BBIP1: variants seen among roughly 807,000 people sequenced by gnomAD.
BBIP1 encodes BBSome interacting protein 1.
A neutral mutation model predicts 8.9 loss-of-function variants in BBIP1; 6 were observed. That is an observed-to-expected ratio of 0.67 (90% CI 0.37 to 1.33). The LOEUF (loss-of-function observed/expected upper bound fraction) is 1.33, where lower values mean the gene tolerates loss of function less well. Among genes scored for constraint, BBIP1 ranks in the 40% most tolerant of loss-of-function variants. BBIP1 has a pLI of 0.02. For missense variants in BBIP1, 111 were observed against 109.2 expected (o/e 1.02, Z -0.07); for synonymous variants, 32 against 33.4 (o/e 0.96, Z 0.14).
intron 3 of BBIP1, chr10:110,900,744 G>A (rs990138833): frequency 3.9e-5 from 18 of 460,572 alleles, no homozygotes; most frequent in African/African-American, 6.1e-5. Context: ...AGTTTTGAGC[G>A]TTCTACCCAA....
chr10:110,903,158 T>C (rs980790877), intron 2 of BBIP1: 4 of 152,224 alleles, frequency 2.6e-5, no homozygotes, highest in Non-Finnish European at 5.9e-5. Flanking sequence ...TAAGGATTTT[T>C]ATATGTATCA....
intron 2 of BBIP1, chr10:110,904,251 GTTTT>G (rs138241725): frequency 1.3e-5 from 2 of 152,076 alleles, no homozygotes; most frequent in African/African-American, 2.4e-5. Flanking sequence ...AAATATGTGA[GTTTT>G]TTTATCATCT....
intron 2 of BBIP1, chr10:110,917,811 C>A: frequency 7.6e-6 from 2 of 262,846 alleles, no homozygotes; most frequent in Non-Finnish European, 1.3e-5. Flanking sequence ...GGTAGTGAAG[C>A]TAAAAACATA....
At chr10:110,903,594 G>T (rs1846058797) in intron 2 of BBIP1, 1 of 152,252 alleles carries the variant, frequency 6.6e-6, no homozygotes, top group Non-Finnish European at 1.5e-5. Flanking sequence ...ATAATCAGCT[G>T]CCCTGGGAGT....
intron 2 of BBIP1, among the ~76,000 whole-genome samples, chr10:110,905,723 G>T (rs1303433005): frequency 1.3e-5 from 2 of 152,144 alleles, no homozygotes. Context: ...CTCCCAAAGA[G>T]ATTTTGGAAA....
At chr10:110,910,317 C>T (rs116658453) in intron 2 of BBIP1, among the ~76,000 whole-genome samples, 1,899 of 152,272 alleles carry the variant, frequency 0.012, 39 homozygotes, top group African/African-American at 0.044. Context: ...AGTGTGCATA[C>T]AGTGTGCACC....
rs1326585305 is a variant in BBIP1 at position 110,899,403 on chromosome 10, T to TGACA, written c.*953_*956dup. 6.6e-6 allele frequency: 1 copy of TGACA among 152,212 alleles called. No individual in the cohort carries two copies. The highest frequency in any genetic ancestry group is 2.4e-5 in the African/African-American group (1 of 41,464). The allele number at this position is 152,212 out of a possible 1,614,324, so 9.4% of individuals were successfully genotyped here. ...TACCATTTTTAGGTTTTTAATTGTT[T>TGACA]GACACTTGGATGATAAATGCAGTCA... is the stretch of plus-strand genomic sequence containing the variant. On this transcript the variant is annotated 3_prime_UTR_variant, in exon 4 of 4. Transcript: ENST00000448814.
At chr10:110,910,187 GAGA>G (rs1564693131) in intron 2 of BBIP1, among the ~76,000 whole-genome samples, 3 of 152,204 alleles carry the variant, frequency 2.0e-5, no homozygotes, top group South Asian at 2.1e-4. Flanking sequence ...TTACTAGGCA[GAGA>G]AGGAGATGTA....
intron 3 of BBIP1, 200 bp from the exon 4 acceptor site, chr10:110,900,726 G>T: frequency 2.0e-6 from 1 of 490,638 alleles, no homozygotes. Flanking sequence ...GTGCTTCTGA[G>T]GAAGACAAGT....
chr10:110,910,029 C>T (rs191518648), intron 2 of BBIP1, among the ~76,000 whole-genome samples: 1 of 152,092 alleles, frequency 6.6e-6, no homozygotes, highest in African/African-American at 2.4e-5. Flanking sequence ...TAATTGAATA[C>T]AATGTACTTT....
At chr10:110,901,418 T>G in intron 3 of BBIP1, 120 bp downstream of exon 3, 64 of 696,142 alleles carry the variant, frequency 9.2e-5, no homozygotes, top group Non-Finnish European at 1.3e-4. Flanking sequence ...AGACAGTAAA[T>G]GAGATAATAC....
In BBIP1 at chr10:110,901,590, G is replaced by C. The variant is rs2013784687; in HGVS notation, c.60C>G (p.Asn20Lys). Reference sequence around the variant, plus strand: ...TTGACTTCACTTCTGCCATATCTGAGTTGTTGGATATAGTGTTTTTTCCTT... The same window carrying C: ...TTGACTTCACTTCTGCCATATCTGACTTGTTGGATATAGTGTTTTTTCCTT... ...ELSGKNTISN[N>K]SDMAEVKSMF... The change falls in exon 3 of 4, where the codon AAC (asparagine) becomes AAG (lysine). Residue 20 changes from asparagine to lysine, a missense_variant. Transcript: ENST00000448814. 6.5e-7 allele frequency: 1 copy of C among 1,535,340 alleles called. No individual in the cohort carries two copies. The highest frequency in any genetic ancestry group is 1.4e-5 in the African/African-American group (1 of 73,010).
intron 2 of BBIP1, chr10:110,910,538 A>G (rs996335447): frequency 1.6e-4 from 25 of 152,252 alleles, no homozygotes; most frequent in Admixed American, 9.2e-4. Context: ...TAAGGAAGCT[A>G]TAATTGTTTA....
At chr10:110,909,501 G>T (rs1227106823) in intron 2 of BBIP1, among the ~76,000 whole-genome samples, 2 of 152,198 alleles carry the variant, frequency 1.3e-5, no homozygotes, top group Non-Finnish European at 1.5e-5. Flanking sequence ...GCCAGAAAAG[G>T]TTGGCTCTTA....
intron 2 of BBIP1, chr10:110,912,009 A>G (rs898383724): frequency 6.6e-6 from 1 of 152,200 alleles, no homozygotes; most frequent in Non-Finnish European, 1.5e-5. Flanking sequence ...ATAAAATATG[A>G]GGCAAACAGT....
At chr10:110,901,827 T>C (rs576991105) in intron 2 of BBIP1, 4 of 527,354 alleles carry the variant, frequency 7.6e-6, no homozygotes, top group East Asian at 3.3e-5. Context: ...TGGTGTTAAC[T>C]ACAAGGCTAG....
chr10:110,913,799 T>A (rs978628009), intron 2 of BBIP1, among the ~76,000 whole-genome samples: 2 of 152,242 alleles, frequency 1.3e-5, no homozygotes, highest in African/African-American at 4.8e-5. Flanking sequence ...GCACCACTTA[T>A]GTTTTCATGT....
In BBIP1 at chr10:110,918,200, G is replaced by C. The variant is rs1234996091; in HGVS notation, c.-43C>G. On this transcript the variant is annotated 5_prime_UTR_variant, in exon 2 of 4. Coordinates refer to ENST00000448814, the MANE Select transcript of BBIP1 (RefSeq NM_001195305.3). ...AGATGACTTAGAGTTCTTGACTCAAGCATACAGAAGAAACTACAAGATAAT... is the reference window on the plus strand; with the variant it reads ...AGATGACTTAGAGTTCTTGACTCAACCATACAGAAGAAACTACAAGATAAT... 2.0e-6 allele frequency: 3 copies of C among 1,478,458 alleles called. No homozygotes were observed. In the African/African-American group the frequency reaches 4.2e-5, roughly 21 times the overall value. 91.6% of individuals were successfully genotyped at this position (1,478,458 alleles called of 1,614,324 possible).
intron 1 of BBIP1, chr10:110,918,817 GC>G (rs1846519334): frequency 6.6e-6 from 1 of 152,406 alleles, no homozygotes; most frequent in Admixed American, 6.5e-5. Context: ...CCCGGGTCCG[GC>G]CCACTGGTTG....
Sources: gnomAD v4.1 joint callset for allele counts (sites outside exome capture counted in the v4.1 genomes callset) on GRCh38, gnomAD v4.1.1 for gene constraint, MANE v1.5 for transcripts, NCBI Gene and HGNC (gene_info 2026-07-23, HGNC 2026-07-21) for gene names.